BCKDHB: variants seen among roughly 807,000 people sequenced by gnomAD.
The protein encoded by BCKDHB is branched chain keto acid dehydrogenase E1 subunit beta.
BCKDHB carries 41 observed loss-of-function variants against 48.5 expected under a neutral mutation model. That is an observed-to-expected ratio of 0.85 (90% CI 0.66 to 1.10). BCKDHB has a LOEUF of 1.10. Ranked by LOEUF, BCKDHB falls within the 50% of genes least tolerant of loss-of-function variation. The pLI is 0.00. For missense variants in BCKDHB, 496 were observed against 494.2 expected (o/e 1.00, Z -0.03); for synonymous variants, 201 against 174.8 (o/e 1.15, Z -1.18).
intron 9 of BCKDHB, among the ~76,000 whole-genome samples, chr6:80,315,793 C>T (rs1340976287): frequency 2.0e-5 from 3 of 151,914 alleles, no homozygotes; most frequent in East Asian, 1.9e-4. Flanking sequence ...CTGTTTCCTT[C>T]GTCTAGAAAA....
chr6:80,330,831 AT>A (rs1299438621), intron 9 of BCKDHB, among the ~76,000 whole-genome samples: 3 of 151,528 alleles, frequency 2.0e-5, no homozygotes, highest in Non-Finnish European at 4.4e-5. Context: ...AAAATACCCA[AT>A]TTTTTTTCTG....
At chr6:80,217,229 GAAATTCCATCT>G (rs1310416186) in intron 8 of BCKDHB, among the ~76,000 whole-genome samples, 7 of 151,900 alleles carry the variant, frequency 4.6e-5, no homozygotes, top group Admixed American at 1.3e-4. Context: ...CAGCAAGAGT[GAAATTCCATCT>G]CAAAAAGAAA....
At chr6:80,128,086 A>G (rs1268418119) in intron 2 of BCKDHB, among the ~76,000 whole-genome samples, 5 of 151,876 alleles carry the variant, frequency 3.3e-5, no homozygotes, top group African/African-American at 1.2e-4. Context: ...TAAATCATTG[A>G]TACAAAACCA....
chr6:80,458,089 G>A, the BCKDHB span, among the ~76,000 whole-genome samples: 1 of 152,186 alleles, frequency 6.6e-6, no homozygotes, highest in African/African-American at 2.4e-5. Context: ...TATAGGTTGA[G>A]TTCAATGAAG....
At chr6:80,386,414 A>G in the BCKDHB span, among the ~76,000 whole-genome samples, 1 of 151,856 alleles carries the variant, frequency 6.6e-6, no homozygotes, top group South Asian at 2.1e-4. Flanking sequence ...CTTTGCAGGA[A>G]TATAGATGGG....
At chr6:80,149,580 A>G (rs1338328979) in intron 3 of BCKDHB, among the ~76,000 whole-genome samples, 1 of 151,574 alleles carries the variant, frequency 6.6e-6, no homozygotes, top group Non-Finnish European at 1.5e-5. Context: ...AACCAACCCA[A>G]ATGTCCAACA....
intron 8 of BCKDHB, among the ~76,000 whole-genome samples, chr6:80,250,947 G>A (rs1776814273): frequency 6.6e-6 from 1 of 152,134 alleles, no homozygotes; most frequent in African/African-American, 2.4e-5. Flanking sequence ...GGTTTAAATG[G>A]TGAATAAACA....
chr6:80,119,579 T>C (rs969528262), intron 1 of BCKDHB, among the ~76,000 whole-genome samples: 4 of 152,126 alleles, frequency 2.6e-5, no homozygotes, highest in Non-Finnish European at 5.9e-5. Flanking sequence ...CCCCTTGGCC[T>C]CACAAAGTGC....
intron 6 of BCKDHB, among the ~76,000 whole-genome samples, chr6:80,172,217 G>A (rs1226352396): frequency 6.6e-6 from 1 of 152,030 alleles, no homozygotes; most frequent in Non-Finnish European, 1.5e-5. Flanking sequence ...TCTTTGCTGA[G>A]TAGTAGTCCA....
At chr6:80,243,185 A>G (rs2127917958) in intron 8 of BCKDHB, among the ~76,000 whole-genome samples, 1 of 152,272 alleles carries the variant, frequency 6.6e-6, no homozygotes, top group Admixed American at 6.5e-5. Flanking sequence ...CTGAGACTAG[A>G]AGTACAGGGA....
At chr6:80,266,844 G>A (rs765993281) in intron 8 of BCKDHB, among the ~76,000 whole-genome samples, 2 of 151,886 alleles carry the variant, frequency 1.3e-5, no homozygotes, top group Non-Finnish European at 2.9e-5. Context: ...TGCTTTTTGG[G>A]GGGATCAATA....
Position 80,200,918 on chromosome 6 carries a change from C to G in BCKDHB, c.743-16C>G, listed in dbSNP as rs191354908. On this transcript the variant is annotated splice_polypyrimidine_tract_variant and intron_variant, in intron 6 of 9. Coordinates refer to ENST00000320393, the MANE Select transcript of BCKDHB (RefSeq NM_183050.4). ...AGAAAAAATGTCCTTTTTTTTTTTT[C>G]CTGTTCTGTATTTAGCGGAAGAAGT... 6.5e-7 allele frequency: 1 copy of G among 1,531,676 alleles called. No homozygotes were observed. The highest frequency in any genetic ancestry group is 2.3e-5 in the East Asian group (1 of 44,016). The allele number at this position is 1,531,676 out of a possible 1,614,324, so 94.9% of individuals were successfully genotyped here. A position where few individuals can be genotyped will look rare whatever the true frequency, so the allele number is the denominator to read the frequency against.
At chr6:80,332,243 C>T (rs939363113) in intron 9 of BCKDHB, among the ~76,000 whole-genome samples, 2 of 152,172 alleles carry the variant, frequency 1.3e-5, no homozygotes, top group African/African-American at 2.4e-5. Context: ...TGCCAATAAC[C>T]ACCACTTGAA....
the BCKDHB span, among the ~76,000 whole-genome samples, chr6:80,353,295 T>G: frequency 6.6e-5 from 10 of 152,338 alleles, no homozygotes; most frequent in South Asian, 2.1e-3. Flanking sequence ...CATCTTTTCT[T>G]TATCCAATCA....
chr6:80,399,033 A>G, the BCKDHB span, among the ~76,000 whole-genome samples: 1 of 152,154 alleles, frequency 6.6e-6, no homozygotes, highest in Non-Finnish European at 1.5e-5. Context: ...AGGGCAGAAA[A>G]GGCTTTTGAT....
chr6:80,354,530 T>C, the BCKDHB span, among the ~76,000 whole-genome samples: 2 of 152,294 alleles, frequency 1.3e-5, no homozygotes, highest in African/African-American at 4.8e-5. Context: ...TGCCTGGCCC[T>C]ATTTTTTTGT....
intron 9 of BCKDHB, among the ~76,000 whole-genome samples, chr6:80,331,966 A>G (rs1054328587): frequency 5.3e-5 from 8 of 152,180 alleles, no homozygotes. Flanking sequence ...GGGGGGGACT[A>G]GGAATTGAAA....
intron 8 of BCKDHB, among the ~76,000 whole-genome samples, chr6:80,245,251 G>A (rs1370184049): frequency 2.7e-5 from 4 of 150,850 alleles, no homozygotes; most frequent in Non-Finnish European, 4.4e-5. Flanking sequence ...AATTTCAGTA[G>A]TATTTTCTGA....
At chr6:80,421,907 A>G in the BCKDHB span, among the ~76,000 whole-genome samples, 4 of 152,238 alleles carry the variant, frequency 2.6e-5, no homozygotes, top group Non-Finnish European at 5.9e-5. Context: ...CAGCGTGACC[A>G]TGAGGTAGAA....
Sources: allele counts gnomAD v4.1 joint callset (sites outside exome capture counted in the v4.1 genomes callset), GRCh38; gene constraint gnomAD v4.1.1; transcripts MANE v1.5; gene names NCBI Gene and HGNC (gene_info 2026-07-23, HGNC 2026-07-21).